PRKAR2B: variants seen among roughly 807,000 people sequenced by gnomAD.
PRKAR2B encodes the protein cAMP-dependent protein kinase type II-beta regulatory subunit.
Under a neutral mutation model 49.9 loss-of-function variants are expected in PRKAR2B, and 14 were observed. That is an observed-to-expected ratio of 0.28 (90% CI 0.19 to 0.44). PRKAR2B has a LOEUF of 0.44. Among genes scored for constraint, PRKAR2B ranks in the 20% least tolerant of loss-of-function variants. The pLI, the probability that PRKAR2B is intolerant of heterozygous loss-of-function variation, is 1.00. For synonymous variants in PRKAR2B, 196 were observed against 197.7 expected (o/e 0.99, Z 0.07); for missense variants, 393 against 537.9 (o/e 0.73, Z 2.67).
intron 2 of PRKAR2B, among the ~76,000 whole-genome samples, chr7:107,071,837 G>A (rs377739493): frequency 2.6e-5 from 4 of 152,036 alleles, no homozygotes; most frequent in African/African-American, 7.2e-5. Context: ...AGGCTGAGGC[G>A]GGCAGATCAC....
intron 3 of PRKAR2B, among the ~76,000 whole-genome samples, chr7:107,126,911 C>A (rs932990672): frequency 4.6e-5 from 7 of 152,126 alleles, no homozygotes; most frequent in African/African-American, 1.7e-4. Context: ...AGGTTTACAT[C>A]TACCTTACCC....
intron 2 of PRKAR2B, among the ~76,000 whole-genome samples, chr7:107,112,174 TAAAAAAAAAAAAA>T (rs749209141): frequency 6.5e-4 from 29 of 44,800 alleles, no homozygotes; most frequent in South Asian, 3.3e-3. Flanking sequence ...ACTGTGTCTC[TAAAAAAAAAAAAA>T]AAAAAAAAAA....
At chr7:107,070,581 T>G (rs898692762) in intron 2 of PRKAR2B, among the ~76,000 whole-genome samples, 3 of 152,204 alleles carry the variant, frequency 2.0e-5, no homozygotes, top group Non-Finnish European at 4.4e-5. Flanking sequence ...TGGGCCTTTT[T>G]AAATGGAGAC....
In PRKAR2B at chr7:107,154,863, A is replaced by T. The variant is rs568049511; in HGVS notation, c.918+1612A>T. Among the ~76,000 whole-genome samples the T allele has an allele frequency of 1.7e-4, 26 of 152,354 alleles. No homozygotes were observed. In the East Asian group the frequency reaches 2.9e-3, roughly 17 times the overall value. ...ATGGGTAGAGCAACACTTTTCTTTTAGAAGTCCTTCCAAAGCCTTGAAATG... is the reference window on the plus strand; with the variant it reads ...ATGGGTAGAGCAACACTTTTCTTTTTGAAGTCCTTCCAAAGCCTTGAAATG... On this transcript the variant is annotated intron_variant, in intron 8 of 10. Transcript: ENST00000265717.
At chr7:107,143,031 G>A (rs910494012) in intron 5 of PRKAR2B, among the ~76,000 whole-genome samples, 47 of 152,284 alleles carry the variant, frequency 3.1e-4, no homozygotes, top group Admixed American at 2.8e-3. Flanking sequence ...CCAAAGTGGT[G>A]GGTTTACAGG....
Position 107,126,278 on chromosome 7 carries a change from A to G in PRKAR2B, c.397-1934A>G, listed in dbSNP as rs1306387743. ...AAAAAAAAAAAAAAAAACCAAAGCC[A>G]GGCGTGGTGGCAGGCACCTGTAGTC... is the stretch of plus-strand genomic sequence containing the variant. On this transcript the variant is annotated intron_variant, in intron 3 of 10. Transcript: ENST00000265717. 3.6e-5 allele frequency among the ~76,000 whole-genome samples: 5 copies of G among 140,164 alleles called. No individual in the cohort carries two copies. In the East Asian group the frequency reaches 1.1e-3, roughly 31 times the overall value. The allele number at this position is 140,164 out of a possible 152,430, so 92.0% of individuals were successfully genotyped here.
intron 1 of PRKAR2B, among the ~76,000 whole-genome samples, chr7:107,056,131 T>C (rs1376569867): frequency 2.0e-5 from 3 of 152,210 alleles, no homozygotes; most frequent in African/African-American, 4.8e-5. Flanking sequence ...GTTGTAGATA[T>C]GCGGCATTGT....
intron 1 of PRKAR2B, among the ~76,000 whole-genome samples, chr7:107,064,035 T>G (rs1794080484): frequency 6.6e-6 from 1 of 152,214 alleles, no homozygotes; most frequent in Non-Finnish European, 1.5e-5. Flanking sequence ...ACAGTGGCGT[T>G]TCCCACTCCT....
In PRKAR2B at chr7:107,079,206, C is replaced by T. The variant is rs142671754; in HGVS notation, c.343+8890C>T. 4.6e-3 allele frequency among the ~76,000 whole-genome samples: 708 copies of T among 152,278 alleles called. 2 individuals are homozygous for T. The highest frequency in any genetic ancestry group is 7.7e-3 in the Non-Finnish European group (527 of 68,014). On this transcript the variant is annotated intron_variant, in intron 2 of 10. Coordinates refer to ENST00000265717, the MANE Select transcript of PRKAR2B (RefSeq NM_002736.3). ...AGCTCTGTGTGAAGGATCAGTTTTT[C>T]GTTTTTGTTTTCCCAGTGCACTGCA...
At chr7:107,101,392 T>C (rs898346720) in intron 2 of PRKAR2B, among the ~76,000 whole-genome samples, 2 of 152,196 alleles carry the variant, frequency 1.3e-5, no homozygotes, top group Admixed American at 6.5e-5. Context: ...GCTTTTACTT[T>C]CTGCCAAGCT....
chr7:107,051,460 A>G (rs768403846), intron 1 of PRKAR2B, among the ~76,000 whole-genome samples: 1 of 152,130 alleles, frequency 6.6e-6, no homozygotes. Flanking sequence ...TATCTATATC[A>G]TCTAGTTGTG....
chr7:107,140,479 TG>T (rs1438371257), intron 4 of PRKAR2B, among the ~76,000 whole-genome samples: 1 of 152,220 alleles, frequency 6.6e-6, no homozygotes, highest in East Asian at 1.9e-4. Context: ...TTTTTAAAAA[TG>T]GGTATCTTTA....
chr7:107,088,464 C>G (rs1794661716), intron 2 of PRKAR2B, among the ~76,000 whole-genome samples: 1 of 152,148 alleles, frequency 6.6e-6, no homozygotes, highest in African/African-American at 2.4e-5. Flanking sequence ...AGCTTATTCC[C>G]TCATTTGTCA....
intron 2 of PRKAR2B, among the ~76,000 whole-genome samples, chr7:107,076,256 T>C (rs1206188917): frequency 6.6e-6 from 1 of 152,216 alleles, no homozygotes; most frequent in Non-Finnish European, 1.5e-5. Flanking sequence ...ACTGAAGGAA[T>C]TTAACATCGA....
chr7:107,114,746 C>G (rs1046057814), intron 2 of PRKAR2B, among the ~76,000 whole-genome samples: 5 of 151,994 alleles, frequency 3.3e-5, no homozygotes, highest in East Asian at 1.9e-4. Flanking sequence ...TCAATTGCTG[C>G]TTATTTATGT....
intron 2 of PRKAR2B, among the ~76,000 whole-genome samples, chr7:107,076,829 G>A (rs1794408126): frequency 6.6e-6 from 1 of 152,156 alleles, no homozygotes; most frequent in African/African-American, 2.4e-5. Context: ...CACACCTACT[G>A]TGTAAAATGT....
At chr7:107,079,357 G>A (rs558790979) in intron 2 of PRKAR2B, 57 of 152,100 alleles carry the variant, frequency 3.7e-4, no homozygotes, top group African/African-American at 1.4e-3. Flanking sequence ...TGATACAACC[G>A]TGGTGTGTGC....
In PRKAR2B at chr7:107,100,976, C is replaced by T. The variant is rs370958515; in HGVS notation, c.344-20976C>T. Reference sequence around the variant, plus strand: ...ATCTTTGCTAAGTCTAACAACTGGCCCAATTGTAGATCATATCTGTTGACT... The same window carrying T: ...ATCTTTGCTAAGTCTAACAACTGGCTCAATTGTAGATCATATCTGTTGACT... On this transcript the variant is annotated intron_variant, in intron 2 of 10. Transcript: ENST00000265717. Among the ~76,000 whole-genome samples the T allele has an allele frequency of 1.1e-4, 17 of 151,948 alleles. 2 individuals are homozygous for T. The highest frequency in any genetic ancestry group is 9.2e-4 in the Admixed American group (14 of 15,242).
At chr7:107,126,475 A>G (rs1431308424) in intron 3 of PRKAR2B, among the ~76,000 whole-genome samples, 1 of 151,518 alleles carries the variant, frequency 6.6e-6, no homozygotes, top group Non-Finnish European at 1.5e-5. Context: ...AGCAGGAAGA[A>G]GAGAGAAGAG....
Sources: allele counts gnomAD v4.1 joint callset (sites outside exome capture counted in the v4.1 genomes callset), GRCh38; gene constraint gnomAD v4.1.1; transcripts MANE v1.5; gene names NCBI Gene and HGNC (gene_info 2026-07-23, HGNC 2026-07-21).